PPP6R3: variants seen among roughly 807,000 people sequenced by gnomAD.
PPP6R3 encodes protein phosphatase 6 regulatory subunit 3, also known as serine/threonine-protein phosphatase 6 regulatory subunit 3.
A neutral mutation model predicts 110.7 loss-of-function variants in PPP6R3; 38 were observed. That is an observed-to-expected ratio of 0.34 (90% CI 0.26 to 0.45). The LOEUF is 0.45. PPP6R3 is among the 20% of genes least tolerant of loss of function. The probability of loss-of-function intolerance (pLI) is 1.00; values close to 1 mark genes in which losing one functional copy is unlikely to be tolerated. For synonymous variants in PPP6R3, 369 were observed against 373.5 expected (o/e 0.99, Z 0.14); for missense variants, 870 against 1,062.4 (o/e 0.82, Z 2.52).
At chr11:68,576,771 G>A (rs1200867569) in intron 14 of PPP6R3, among the ~76,000 whole-genome samples, 1 of 152,180 alleles carries the variant, frequency 6.6e-6, no homozygotes, top group African/African-American at 2.4e-5. Context: ...AAGTGTTTAT[G>A]TTTGGCGTTT....
intron 8 of PPP6R3, among the ~76,000 whole-genome samples, chr11:68,563,308 C>A (rs1237016536): frequency 6.6e-6 from 1 of 152,158 alleles, no homozygotes; most frequent in African/African-American, 2.4e-5. Context: ...CATTCCTCTT[C>A]CAGCTTCTAG....
At chr11:68,497,287 C>T (rs1328499844) in intron 1 of PPP6R3, among the ~76,000 whole-genome samples, 3 of 151,382 alleles carry the variant, frequency 2.0e-5, no homozygotes, top group Non-Finnish European at 4.4e-5. Flanking sequence ...ATCTCCTGAC[C>T]TCGTGATCCG....
intron 19 of PPP6R3, 112 bp downstream of exon 19, chr11:68,596,330 G>C: frequency 6.9e-7 from 1 of 1,445,932 alleles, no homozygotes; most frequent in Non-Finnish European, 9.5e-7. Context: ...GGAAAGGTTG[G>C]GTTGAAGCGT....
intron 1 of PPP6R3, among the ~76,000 whole-genome samples, chr11:68,471,937 G>T (rs2153249960): frequency 6.6e-6 from 1 of 152,002 alleles, no homozygotes; most frequent in East Asian, 1.9e-4. Context: ...TGGTGAAATG[G>T]AAGAGTTCTC....
At position 68,614,894 on chromosome 11, in the gene PPP6R3, C is replaced by A; in HGVS notation, c.*1777C>A. On this transcript the variant is annotated 3_prime_UTR_variant, in exon 24 of 24. Transcript: ENST00000393800. ...ACTGGTAGATAATATGCTCTGGTCT[C>A]GCCTGGTGGTGAGTTTTGCCAGCCA... 2.4e-6 allele frequency: 2 copies of A among 837,994 alleles called. No individual in the cohort carries two copies. The highest frequency in any genetic ancestry group is 3.9e-6 in the Non-Finnish European group (2 of 518,026). The allele number at this position is 837,994 out of a possible 1,614,324, so 51.9% of individuals were successfully genotyped here. A position where few individuals can be genotyped will look rare whatever the true frequency, so the allele number is the denominator to read the frequency against.
intron 2 of PPP6R3, among the ~76,000 whole-genome samples, chr11:68,536,412 T>G (rs1333028607): frequency 6.6e-6 from 1 of 151,966 alleles, no homozygotes; most frequent in Non-Finnish European, 1.5e-5. Flanking sequence ...TGTGCCACAA[T>G]GCCTGGCTAA....
At chr11:68,485,443 C>T (rs531013190) in intron 1 of PPP6R3, among the ~76,000 whole-genome samples, 1 of 152,118 alleles carries the variant, frequency 6.6e-6, no homozygotes, top group Non-Finnish European at 1.5e-5. Flanking sequence ...TGAGAGGGAA[C>T]ATCTTTGCCC....
rs1409811728 is a variant in PPP6R3, at chr11:68,613,837, A to ATGAT, written c.*722_*725dup. On this transcript the variant is annotated 3_prime_UTR_variant, in exon 24 of 24. Coordinates refer to ENST00000393800, the MANE Select transcript of PPP6R3 (RefSeq NM_001164161.2). ...TCTGTTCAAGTCTTGTTTGCTTGAA[A>ATGAT]TGATTATTCCTACAAGTGAAACACT... 2 of 985,252 alleles carry ATGAT rather than the reference A, an allele frequency of 2.0e-6. No individual in the cohort carries two copies. Among genetic ancestry groups the ATGAT allele is most frequent in the East Asian group, 2.3e-4 (2 of 8,824 alleles). The allele number at this position is 985,252 out of a possible 1,614,324, so 61.0% of individuals were successfully genotyped here.
intron 22 of PPP6R3, among the ~76,000 whole-genome samples, chr11:68,604,751 T>C (rs1323463796): frequency 6.6e-6 from 1 of 152,232 alleles, no homozygotes; most frequent in African/African-American, 2.4e-5. Flanking sequence ...TGTAAAACCT[T>C]ATCTATAACT....
At chr11:68,597,826 A>G (rs1455007100) in intron 19 of PPP6R3, among the ~76,000 whole-genome samples, 1 of 151,636 alleles carries the variant, frequency 6.6e-6, no homozygotes, top group Non-Finnish European at 1.5e-5. Context: ...TGAAAAAAAA[A>G]AAAAAAAGCT....
intron 1 of PPP6R3, among the ~76,000 whole-genome samples, chr11:68,498,683 GTTGC>G (rs899657689): frequency 3.9e-5 from 6 of 152,162 alleles, no homozygotes; most frequent in African/African-American, 1.2e-4. Context: ...ATTTGTTACT[GTTGC>G]TTCACAAAAT....
At chr11:68,499,163 A>G (rs1474175876) in intron 1 of PPP6R3, among the ~76,000 whole-genome samples, 1 of 152,070 alleles carries the variant, frequency 6.6e-6, no homozygotes, top group Non-Finnish European at 1.5e-5. Context: ...TGCATAATAA[A>G]TTATCCCCAA....
chr11:68,567,293 T>C, intron 10 of PPP6R3, 127 bp downstream of exon 10: 1 of 1,047,218 alleles, frequency 9.5e-7, no homozygotes, highest in Non-Finnish European at 1.3e-6. Flanking sequence ...TAAATGGTGT[T>C]TTATGTAGTT....
intron 1 of PPP6R3, chr11:68,488,716 C>A (rs952800481): frequency 6.6e-6 from 1 of 152,080 alleles, no homozygotes; most frequent in Non-Finnish European, 1.5e-5. Flanking sequence ...TAGGGTGTGT[C>A]CTGATTGATC....
At chr11:68,583,276 A>G in intron 15 of PPP6R3, 147 bp downstream of exon 15, 1 of 631,224 alleles carries the variant, frequency 1.6e-6, no homozygotes, top group Non-Finnish European at 2.7e-6. Flanking sequence ...TAAAATAGGA[A>G]GTGCTGGGTA....
In PPP6R3 at chr11:68,592,822, T is replaced by C. The variant is rs76718310; in HGVS notation, c.1916+1116T>C. 7.7e-3 allele frequency among the ~76,000 whole-genome samples: 1,176 copies of C among 152,310 alleles called. 18 individuals carry two copies. Among genetic ancestry groups the C allele is most frequent in the African/African-American group, 0.027 (1,112 of 41,566 alleles). On this transcript the variant is annotated intron_variant, in intron 18 of 23. Coordinates refer to ENST00000393800, the MANE Select transcript of PPP6R3 (RefSeq NM_001164161.2). Reference sequence around the variant, plus strand: ...CATCATTTACTGAGATTTTGTTTCTTATGTTGAATGGATTCACTAAATGAT... The same window carrying C: ...CATCATTTACTGAGATTTTGTTTCTCATGTTGAATGGATTCACTAAATGAT...
intron 22 of PPP6R3, among the ~76,000 whole-genome samples, chr11:68,604,912 A>G (rs190408931): frequency 2.1e-4 from 32 of 152,348 alleles, no homozygotes; most frequent in African/African-American, 7.2e-4. Context: ...TGAAATTTCC[A>G]TCAAAATCCC....
intron 1 of PPP6R3, among the ~76,000 whole-genome samples, chr11:68,509,470 A>ATTTTT (rs34228704): frequency 8.6e-6 from 1 of 116,472 alleles, no homozygotes; most frequent in African/African-American, 3.2e-5. Context: ...TTACTTCTCT[A>ATTTTT]TTTTTTTTTT....
At chr11:68,488,180 CTTG>C (rs2098960384) in intron 1 of PPP6R3, among the ~76,000 whole-genome samples, 1 of 152,152 alleles carries the variant, frequency 6.6e-6, no homozygotes, top group African/African-American at 2.4e-5. Flanking sequence ...TACAGCTACT[CTTG>C]TTAACTTTTG....
Sources: gnomAD v4.1 joint callset for allele counts (sites outside exome capture counted in the v4.1 genomes callset) on GRCh38, gnomAD v4.1.1 for gene constraint, MANE v1.5 for transcripts, NCBI Gene and HGNC (gene_info 2026-07-23, HGNC 2026-07-21) for gene names.